Variants in VWA8 observed in about 807,000 individuals in gnomAD.
The protein encoded by VWA8 is von Willebrand factor A domain containing 8.
In VWA8, 221 loss-of-function variants were observed where a neutral mutation model predicts 241.5. That is an observed-to-expected ratio of 0.91 (90% CI 0.82 to 1.02). The LOEUF (loss-of-function observed/expected upper bound fraction) is 1.02. Among genes scored for constraint, VWA8 ranks in the 50% least tolerant of loss-of-function variants. The pLI, the probability that VWA8 is intolerant of heterozygous loss-of-function variation, is 0.00. For missense variants in VWA8, 2,322 were observed against 2,328.7 expected (o/e 1.00, Z 0.06); for synonymous variants, 852 against 827.1 (o/e 1.03, Z -0.52).
chr13:41,701,570 G>A (rs1327060921), intron 27 of VWA8, 40 bp from the exon 28 acceptor site: 18 of 1,485,818 alleles, frequency 1.2e-5, no homozygotes, highest in Non-Finnish European at 1.5e-5. Context: ...TATTTTGGTT[G>A]TCACCAAAAT....
chr13:41,882,268 T>C (rs1188275073), intron 9 of VWA8, among the ~76,000 whole-genome samples: 1 of 150,210 alleles, frequency 6.7e-6, no homozygotes, highest in African/African-American at 2.5e-5. Flanking sequence ...GAGGCGCTCG[T>C]CACTTCCTAG....
chr13:41,820,627 G>A (rs1046519990), intron 14 of VWA8, among the ~76,000 whole-genome samples: 1 of 152,212 alleles, frequency 6.6e-6, no homozygotes, highest in Non-Finnish European at 1.5e-5. Context: ...ATTTGCAGGT[G>A]TTTTAGCAGG....
intron 21 of VWA8, among the ~76,000 whole-genome samples, chr13:41,755,098 C>T (rs760313546): frequency 6.6e-6 from 1 of 151,936 alleles, no homozygotes; most frequent in South Asian, 2.1e-4. Context: ...CTTCAATATA[C>T]CGATTTTCTT....
intron 43 of VWA8, among the ~76,000 whole-genome samples, chr13:41,573,123 A>AAAAAAAG (rs1555303453): frequency 6.7e-6 from 1 of 150,342 alleles, no homozygotes; most frequent in African/African-American, 2.5e-5. Context: ...AAAAAAAAAA[A>AAAAAAAG]AAAAGAAACA....
chr13:41,878,741 C>T (rs1490117314), intron 9 of VWA8, among the ~76,000 whole-genome samples: 1 of 152,054 alleles, frequency 6.6e-6, no homozygotes, highest in Admixed American at 6.6e-5. Context: ...CTACGTTCCC[C>T]TTAATTATGG....
chr13:41,569,871 A>C (rs1042943505), intron 44 of VWA8, among the ~76,000 whole-genome samples: 1 of 152,156 alleles, frequency 6.6e-6, no homozygotes. Context: ...TATTCAGTGT[A>C]GTATCTAACT....
intron 4 of VWA8, among the ~76,000 whole-genome samples, chr13:41,906,917 C>CT (rs1398801801): frequency 6.6e-6 from 1 of 152,034 alleles, no homozygotes; most frequent in South Asian, 2.1e-4. Context: ...AGCTGACAGT[C>CT]TTTTAATTTT....
chr13:41,672,522 T>C (rs1000917364), intron 36 of VWA8, among the ~76,000 whole-genome samples: 1 of 152,178 alleles, frequency 6.6e-6, no homozygotes, highest in South Asian at 2.1e-4. Context: ...CAAGCTATCA[T>C]TGTAGATTTT....
chr13:41,670,389 G>A (rs948814930), intron 37 of VWA8, among the ~76,000 whole-genome samples: 9 of 150,928 alleles, frequency 6.0e-5, no homozygotes, highest in African/African-American at 2.2e-4. Flanking sequence ...CACTTTGGTG[G>A]CCTGTTCCCA....
intron 37 of VWA8, among the ~76,000 whole-genome samples, chr13:41,662,436 T>G (rs2044956467): frequency 6.6e-6 from 1 of 151,998 alleles, no homozygotes; most frequent in Non-Finnish European, 1.5e-5. Context: ...TAAATTTTAA[T>G]TGTTAGTTAT....
intron 41 of VWA8, 68 bp downstream of exon 41, chr13:41,590,572 C>T (rs141782035): frequency 6.9e-5 from 103 of 1,482,780 alleles, no homozygotes; most frequent in Admixed American, 1.3e-4. Flanking sequence ...ACACAACTCA[C>T]GAAAGCAAGT....
intron 34 of VWA8, among the ~76,000 whole-genome samples, chr13:41,687,971 A>C (rs1162911892): frequency 6.6e-6 from 1 of 152,126 alleles, no homozygotes; most frequent in Non-Finnish European, 1.5e-5. Flanking sequence ...TGATTTCTTC[A>C]ATCAGAAGAA....
chr13:41,619,330 A>G (rs138999341), intron 37 of VWA8, among the ~76,000 whole-genome samples: 2 of 152,304 alleles, frequency 1.3e-5, no homozygotes, highest in African/African-American at 4.8e-5. Context: ...GTAACCTGAG[A>G]CTTTGCTGAA....
intron 17 of VWA8, among the ~76,000 whole-genome samples, chr13:41,807,374 A>C (rs1025170681): frequency 3.9e-5 from 6 of 152,152 alleles, no homozygotes; most frequent in Non-Finnish European, 7.3e-5. Context: ...AAACCAGAGA[A>C]GACACATCAA....
At chr13:41,880,914 G>A (rs1874140006) in intron 9 of VWA8, among the ~76,000 whole-genome samples, 2 of 152,178 alleles carry the variant, frequency 1.3e-5, no homozygotes. Flanking sequence ...GGCTCCACCT[G>A]CCAGCTTTAA....
chr13:41,878,657 C>T (rs962306194), intron 9 of VWA8, among the ~76,000 whole-genome samples: 4 of 151,998 alleles, frequency 2.6e-5, no homozygotes, highest in African/African-American at 9.7e-5. Context: ...AATACCAATC[C>T]CTTTTTCCTT....
At chr13:41,893,083 T>C (rs1874921932) in intron 4 of VWA8, among the ~76,000 whole-genome samples, 2 of 152,328 alleles carry the variant, frequency 1.3e-5, no homozygotes, top group Admixed American at 1.3e-4. Context: ...ATTTTCCCTA[T>C]AGTAATTGTC....
At chr13:41,611,508 T>C (rs1165329392) in intron 39 of VWA8, 68 bp downstream of exon 39, 9 of 1,536,976 alleles carry the variant, frequency 5.9e-6, no homozygotes, top group African/African-American at 1.4e-5. Context: ...AATCTAGGTT[T>C]CCCCACAGTC....
intron 37 of VWA8, among the ~76,000 whole-genome samples, chr13:41,617,747 T>A (rs2044630765): frequency 6.6e-6 from 1 of 152,230 alleles, no homozygotes; most frequent in Non-Finnish European, 1.5e-5. Context: ...GTGTTTGGTT[T>A]TCTGTCTTTA....
Sources: allele counts gnomAD v4.1 joint callset (sites outside exome capture counted in the v4.1 genomes callset), GRCh38; gene constraint gnomAD v4.1.1; transcripts MANE v1.5; gene names NCBI Gene and HGNC (gene_info 2026-07-23, HGNC 2026-07-21).